SNX9: variants seen among roughly 807,000 people sequenced by gnomAD.
SNX9 encodes the protein sorting nexin 9, also known as sorting nexin-9.
A neutral mutation model predicts 89.4 loss-of-function variants in SNX9; 44 were observed. That is an observed-to-expected ratio of 0.49 (90% CI 0.39 to 0.63). The LOEUF (loss-of-function observed/expected upper bound fraction) is 0.63. Ranked by LOEUF, SNX9 falls within the 30% of genes least tolerant of loss-of-function variation. The pLI is 0.00. For missense variants in SNX9, 578 were observed against 736.1 expected, an observed-to-expected ratio of 0.79 and a Z score of 2.49; for synonymous variants, 236 against 247.8, an observed-to-expected ratio of 0.95 and a Z score of 0.45.
intron 7 of SNX9, among the ~76,000 whole-genome samples, chr6:157,907,826 C>T (rs1270581250): frequency 6.6e-6 from 1 of 152,252 alleles, no homozygotes; most frequent in African/African-American, 2.4e-5. Context: ...CTTGCCCACT[C>T]ATGAAACAGA....
At chr6:157,905,177 A>G (rs1448106068) in intron 6 of SNX9, among the ~76,000 whole-genome samples, 11 of 152,144 alleles carry the variant, frequency 7.2e-5, no homozygotes, top group Non-Finnish European at 2.9e-5. Context: ...GCTGCGTTTT[A>G]AAGGAATGTC....
intron 3 of SNX9, among the ~76,000 whole-genome samples, chr6:157,873,941 G>A (rs920545873): frequency 2.6e-5 from 4 of 152,098 alleles, no homozygotes; most frequent in African/African-American, 4.8e-5. Flanking sequence ...GTTGTCTTTC[G>A]GTCCCTCCAA....
rs868279220 is a variant in SNX9, at chr6:157,823,950, G to A, written c.12+504G>A. On this transcript the variant is annotated intron_variant, in intron 1 of 17. Coordinates refer to ENST00000392185, the MANE Select transcript of SNX9 (RefSeq NM_016224.5). The surrounding 1 kb of genome is among the most constrained non-coding windows in gnomAD (Gnocchi z 4.6). ...GCGCTTCCCGTCCCGGCCTGCGGGG[G>A]CTCGCGGCCGGGGAGGGACCGAGGC... Among the ~76,000 whole-genome samples the A allele has an allele frequency of 1.3e-5, 2 of 152,148 alleles. No individual in the cohort carries two copies. Among genetic ancestry groups the A allele is most frequent in the Non-Finnish European group, 2.9e-5 (2 of 68,004 alleles).
intron 4 of SNX9, among the ~76,000 whole-genome samples, chr6:157,886,020 GTAGTTACGA>G (rs1165150500): frequency 6.6e-6 from 1 of 152,226 alleles, no homozygotes; most frequent in Admixed American, 6.5e-5. Context: ...GAGGCCTGAT[GTAGTTACGA>G]TGGAGACAGA....
At chr6:157,922,812 G>T (rs908373642) in intron 10 of SNX9, among the ~76,000 whole-genome samples, 2 of 152,112 alleles carry the variant, frequency 1.3e-5, no homozygotes, top group African/African-American at 2.4e-5. Context: ...GGTGAGATAG[G>T]GTACTCAGTC....
At chr6:157,926,624 A>G (rs1483508236) in intron 10 of SNX9, among the ~76,000 whole-genome samples, 1 of 151,876 alleles carries the variant, frequency 6.6e-6, no homozygotes, top group Non-Finnish European at 1.5e-5. Flanking sequence ...TCTACAAAAA[A>G]TACAAAAATT....
At chr6:157,870,113 A>G (rs1782364438) in intron 2 of SNX9, among the ~76,000 whole-genome samples, 1 of 148,228 alleles carries the variant, frequency 6.7e-6, no homozygotes, top group Non-Finnish European at 1.5e-5. Context: ...ATGCTGTCAC[A>G]CATACACCTG....
At chr6:157,834,893 T>G (rs1352511221) in intron 1 of SNX9, among the ~76,000 whole-genome samples, 1 of 152,182 alleles carries the variant, frequency 6.6e-6, no homozygotes, top group Non-Finnish European at 1.5e-5. Flanking sequence ...TTGCAACCCC[T>G]AAAAGCTCCA....
In SNX9 at chr6:157,824,891, C is replaced by G. The variant is rs73020657; in HGVS notation, c.12+1445C>G. Among the ~76,000 whole-genome samples the G allele has an allele frequency of 4.2e-3, 639 of 152,224 alleles. 1 individual carries two copies. Among genetic ancestry groups the G allele is most frequent in the Non-Finnish European group, 6.7e-3 (453 of 68,004 alleles). Reference sequence around the variant, plus strand: ...GAAATTTGATTTTGAGGTTTGTTGCCAGACATTCCAGAAATTACCAGTTAC... The same window carrying G: ...GAAATTTGATTTTGAGGTTTGTTGCGAGACATTCCAGAAATTACCAGTTAC... On this transcript the variant is annotated intron_variant, in intron 1 of 17. Coordinates refer to ENST00000392185, the MANE Select transcript of SNX9 (RefSeq NM_016224.5).
chr6:157,900,507 G>T (rs1389029002), intron 5 of SNX9, among the ~76,000 whole-genome samples: 1 of 152,142 alleles, frequency 6.6e-6, no homozygotes, highest in African/African-American at 2.4e-5. Context: ...ACAAGATAGC[G>T]AAAGCTGGGT....
chr6:157,887,257 C>CT (rs1782753081), intron 4 of SNX9, among the ~76,000 whole-genome samples: 1 of 152,070 alleles, frequency 6.6e-6, no homozygotes, highest in Non-Finnish European at 1.5e-5. Context: ...GAAACAAATC[C>CT]TTTGTAGTAT....
At chr6:157,938,800 C>T in intron 16 of SNX9, 53 bp downstream of exon 16, 1 of 1,350,118 alleles carries the variant, frequency 7.4e-7, no homozygotes, top group South Asian at 1.2e-5. Flanking sequence ...TTTTCCCCAG[C>T]AAAGTTTCCC....
intron 1 of SNX9, among the ~76,000 whole-genome samples, chr6:157,828,236 A>G (rs530768021): frequency 6.6e-6 from 1 of 152,284 alleles, no homozygotes; most frequent in East Asian, 1.9e-4. Context: ...ATAGTCAAAG[A>G]TAAGTTCTGT....
At chr6:157,861,685 G>A (rs751894117) in intron 1 of SNX9, among the ~76,000 whole-genome samples, 6 of 152,142 alleles carry the variant, frequency 3.9e-5, no homozygotes, top group Non-Finnish European at 8.8e-5. Context: ...GATATGTTCC[G>A]AGACCTCCAG....
intron 1 of SNX9, among the ~76,000 whole-genome samples, chr6:157,833,309 A>G (rs3805762): frequency 0.05 from 7,618 of 152,232 alleles, 215 homozygotes; most frequent in East Asian, 0.11. Context: ...TTTTAATTAA[A>G]AACTTACTGT....
intron 5 of SNX9, among the ~76,000 whole-genome samples, chr6:157,897,428 A>G (rs916180009): frequency 6.6e-6 from 1 of 152,120 alleles, no homozygotes; most frequent in Non-Finnish European, 1.5e-5. Flanking sequence ...GTGCCCCTAC[A>G]TGTTCAGCAC....
At position 157,828,500 on chromosome 6, in the gene SNX9, A is replaced by AT. The variant is rs998166742; in HGVS notation, c.12+5064dup. Among the ~76,000 whole-genome samples the AT allele has an allele frequency of 5.1e-3, 754 of 149,004 alleles. 8 individuals are homozygous for AT. The highest frequency in any genetic ancestry group is 0.017 in the African/African-American group (708 of 40,766). On this transcript the variant is annotated intron_variant, in intron 1 of 17. Coordinates refer to ENST00000392185, the MANE Select transcript of SNX9 (RefSeq NM_016224.5). ...AGTTTTTATGATTATGATTATTATT[A>AT]TTTTTTTTTTGGAGACAGGGTCTCA...
intron 1 of SNX9, among the ~76,000 whole-genome samples, chr6:157,841,330 G>A (rs1432839327): frequency 6.6e-6 from 1 of 152,182 alleles, no homozygotes; most frequent in African/African-American, 2.4e-5. Flanking sequence ...ATGATTAGGA[G>A]AGGCACAAGA....
chr6:157,884,532 A>AT (rs1782692054), intron 4 of SNX9, among the ~76,000 whole-genome samples: 2 of 152,202 alleles, frequency 1.3e-5, no homozygotes, highest in South Asian at 4.1e-4. Context: ...GTAATTGCTT[A>AT]TTGAGACTTT....
Sources: gnomAD v4.1 joint callset for allele counts (sites outside exome capture counted in the v4.1 genomes callset) on GRCh38, gnomAD v4.1.1 for gene constraint, Gnocchi (gnomAD v3.1) non-coding constraint, MANE v1.5 for transcripts, NCBI Gene and HGNC (gene_info 2026-07-23, HGNC 2026-07-21) for gene names.